Variants in RBMS3 observed in about 807,000 individuals in gnomAD.
RBMS3 encodes RNA binding motif single stranded interacting protein 3.
RBMS3 carries 27 observed loss-of-function variants against 66.8 expected under a neutral mutation model. The ratio of observed to expected loss-of-function variants is 0.40; its 90% CI spans 0.30 to 0.56. RBMS3 has a LOEUF of 0.56. Ranked by LOEUF, RBMS3 falls within the 20% of genes least tolerant of loss-of-function variation. The pLI, the probability that RBMS3 is intolerant of heterozygous loss-of-function variation, is 0.40. For synonymous variants in RBMS3, 188 were observed against 183.0 expected (o/e 1.03, Z -0.22); for missense variants, 513 against 549.5 (o/e 0.93, Z 0.66).
chr3:29,868,175 T>C (rs2059405733), intron 6 of RBMS3, among the ~76,000 whole-genome samples: 1 of 152,162 alleles, frequency 6.6e-6, no homozygotes, highest in South Asian at 2.1e-4. Flanking sequence ...TCTTGGGAAA[T>C]ACATTTACCT....
intron 4 of RBMS3, among the ~76,000 whole-genome samples, chr3:29,626,160 TA>T (rs1439277227): frequency 6.6e-6 from 1 of 152,196 alleles, no homozygotes; most frequent in Non-Finnish European, 1.5e-5. Flanking sequence ...TAGTAAAATG[TA>T]AAACGGGCTT....
At chr3:29,893,478 C>T (rs2060052093) in intron 8 of RBMS3, among the ~76,000 whole-genome samples, 1 of 151,408 alleles carries the variant, frequency 6.6e-6, no homozygotes, top group Non-Finnish European at 1.5e-5. Context: ...GTGTGGTTTG[C>T]TTTGTCTGTA....
intron 4 of RBMS3, among the ~76,000 whole-genome samples, chr3:29,602,196 C>G (rs770349549): frequency 5.3e-5 from 8 of 151,888 alleles, no homozygotes; most frequent in Non-Finnish European, 1.2e-4. Context: ...ACACATTTTC[C>G]TTCACTTGAA....
At chr3:29,559,731 TTGAA>T (rs902123697) in intron 3 of RBMS3, among the ~76,000 whole-genome samples, 3 of 152,018 alleles carry the variant, frequency 2.0e-5, no homozygotes, top group African/African-American at 4.8e-5. Context: ...TTTGCATTTA[TTGAA>T]TGAATGAATG....
intron 4 of RBMS3, among the ~76,000 whole-genome samples, chr3:29,671,596 A>C (rs1276293454): frequency 6.6e-6 from 1 of 152,220 alleles, no homozygotes; most frequent in Middle Eastern, 3.2e-3. Context: ...AAATGACCTG[A>C]CAGAGTTGAA....
intron 4 of RBMS3, among the ~76,000 whole-genome samples, chr3:29,692,574 T>C (rs185350508): frequency 6.6e-6 from 1 of 152,344 alleles, no homozygotes; most frequent in African/African-American, 2.4e-5. Flanking sequence ...GAGACTTTAT[T>C]TGACAACCTA....
chr3:29,997,094 C>G (rs201470117), intron 14 of RBMS3, among the ~76,000 whole-genome samples: 1 of 150,464 alleles, frequency 6.6e-6, no homozygotes. Flanking sequence ...ATATCACCAC[C>G]GATCCCACAG....
At chr3:29,414,491 A>T (rs1379354789) in intron 1 of RBMS3, among the ~76,000 whole-genome samples, 1 of 152,196 alleles carries the variant, frequency 6.6e-6, no homozygotes, top group African/African-American at 2.4e-5. Context: ...TTCGTGAAAC[A>T]TAGTTTCTAG....
intron 6 of RBMS3, among the ~76,000 whole-genome samples, chr3:29,781,618 A>G (rs1171424872): frequency 1.3e-5 from 2 of 152,044 alleles, no homozygotes; most frequent in Admixed American, 1.3e-4. Flanking sequence ...TGCTAATGCT[A>G]CCTCTTATAT....
intron 3 of RBMS3, among the ~76,000 whole-genome samples, chr3:29,556,975 C>G (rs1469951249): frequency 6.6e-6 from 1 of 152,164 alleles, no homozygotes; most frequent in Non-Finnish European, 1.5e-5. Context: ...TAGGCCAAAA[C>G]CACCCTCCAT....
intron 1 of RBMS3, among the ~76,000 whole-genome samples, chr3:29,369,150 G>A (rs996807493): frequency 7.2e-5 from 11 of 151,958 alleles, no homozygotes; most frequent in African/African-American, 2.2e-4. Flanking sequence ...AGCCGGCACC[G>A]GGGCCTACTT....
At position 29,533,969 on chromosome 3, in the gene RBMS3, T is replaced by C. The variant is rs371699821; in HGVS notation, c.307+45470T>C. Reference sequence around the variant, plus strand: ...GGCCACTCCTTAAGTGACTCCTAAATCCGCTGCATGTTCATGTCCATTTTG... The same window carrying C: ...GGCCACTCCTTAAGTGACTCCTAAACCCGCTGCATGTTCATGTCCATTTTG... On this transcript the variant is annotated intron_variant, in intron 3 of 14. Transcript: ENST00000383767. Among the ~76,000 whole-genome samples, 19 of 152,350 alleles carry C rather than the reference T, an allele frequency of 1.2e-4. No individual in the cohort carries two copies. The East Asian group carries it at 2.9e-3, about 23-fold the overall frequency.
At chr3:29,854,770 G>C (rs1404572951) in intron 6 of RBMS3, among the ~76,000 whole-genome samples, 1 of 152,152 alleles carries the variant, frequency 6.6e-6, no homozygotes, top group Non-Finnish European at 1.5e-5. Flanking sequence ...GCATATTTAG[G>C]TCCTTTCACA....
Position 29,503,629 on chromosome 3 carries a change from C to A in RBMS3, c.307+15130C>A, listed in dbSNP as rs188040555. On this transcript the variant is annotated intron_variant, in intron 3 of 14. Transcript: ENST00000383767. Reference sequence around the variant, plus strand: ...AAGGAGGATTGTTTTACTTCTCCAACACCATTGTCTGTGTTAATTTTGCTG... The same window carrying A: ...AAGGAGGATTGTTTTACTTCTCCAAAACCATTGTCTGTGTTAATTTTGCTG... Among the ~76,000 whole-genome samples the A allele has an allele frequency of 1.1e-4, 17 of 152,244 alleles. No individual in the cohort carries two copies. In the East Asian group the frequency reaches 2.7e-3, roughly 24 times the overall value.
chr3:29,364,154 C>T (rs911786426), intron 1 of RBMS3, among the ~76,000 whole-genome samples: 4 of 151,914 alleles, frequency 2.6e-5, no homozygotes, highest in Non-Finnish European at 4.4e-5. Context: ...AGAACAGATG[C>T]GTATATGGCA....
chr3:29,630,649 T>C (rs1317736582), intron 4 of RBMS3, among the ~76,000 whole-genome samples: 1 of 152,004 alleles, frequency 6.6e-6, no homozygotes, highest in East Asian at 1.9e-4. Flanking sequence ...CTGGCATTTA[T>C]GGTTAGAAAT....
At chr3:29,874,654 G>C (rs1416310116) in intron 7 of RBMS3, among the ~76,000 whole-genome samples, 3 of 152,166 alleles carry the variant, frequency 2.0e-5, no homozygotes, top group Admixed American at 2.0e-4. Context: ...TAGCACACCA[G>C]ATATGGTTGT....
intron 6 of RBMS3, among the ~76,000 whole-genome samples, chr3:29,792,352 G>A (rs970968710): frequency 1.3e-5 from 2 of 152,130 alleles, no homozygotes; most frequent in Non-Finnish European, 2.9e-5. Flanking sequence ...GTTAAAATAT[G>A]TCTTATTGTT....
At chr3:29,594,334 A>T (rs1010118878) in intron 4 of RBMS3, among the ~76,000 whole-genome samples, 1 of 152,072 alleles carries the variant, frequency 6.6e-6, no homozygotes, top group Admixed American at 6.6e-5. Flanking sequence ...TACCTTCTTC[A>T]AATCGTGTTG....
Sources: allele counts gnomAD v4.1 joint callset (sites outside exome capture counted in the v4.1 genomes callset), GRCh38; gene constraint gnomAD v4.1.1; transcripts MANE v1.5; gene names NCBI Gene and HGNC (gene_info 2026-07-23, HGNC 2026-07-21).